ARHGEF33: variants seen among roughly 807,000 people sequenced by gnomAD.
ARHGEF33 encodes the protein DH and coiled-coil domain-containing protein ENSP00000381780.
A neutral mutation model predicts 101.9 loss-of-function variants in ARHGEF33; 72 were observed. The ratio of observed to expected loss-of-function variants is 0.71; its 90% CI spans 0.58 to 0.86. ARHGEF33 has a LOEUF of 0.86. Among genes scored for constraint, ARHGEF33 ranks in the 40% least tolerant of loss-of-function variants. The pLI is 0.00. For missense variants in ARHGEF33, 1,169 were observed against 1,111.3 expected, an observed-to-expected ratio of 1.05 and a Z score of -0.74; for synonymous variants, 499 against 442.5, an observed-to-expected ratio of 1.13 and a Z score of -1.60.
chr2:38,968,174 TAGG>T (rs1049823220), intron 17 of ARHGEF33, among the ~76,000 whole-genome samples: 2 of 152,052 alleles, frequency 1.3e-5, no homozygotes, highest in African/African-American at 4.8e-5. Flanking sequence ...AGGGCAGAAC[TAGG>T]AGCAGTGGCT....
At chr2:38,967,223 A>G (rs1023958530) in intron 17 of ARHGEF33, among the ~76,000 whole-genome samples, 3 of 152,116 alleles carry the variant, frequency 2.0e-5, no homozygotes, top group Non-Finnish European at 2.9e-5. Context: ...TGGTTTGTCT[A>G]ATTGTAATTA....
intron 2 of ARHGEF33, among the ~76,000 whole-genome samples, chr2:38,913,514 C>T (rs374174577): frequency 6.6e-6 from 1 of 152,190 alleles, no homozygotes. Flanking sequence ...GTGGCTCACG[C>T]CTGTAATCTC....
Position 38,958,013 on chromosome 2 carries a change from CTG to C in ARHGEF33, c.1371-19_1371-18del. On this transcript the variant is annotated intron_variant, in intron 14 of 17. Transcript: ENST00000409978. Reference sequence around the variant, plus strand: ...AGTTTGCCACTGTACAACCTGAGAACTGTTATTTCCATTCTGTTAGGTCATCC... The same window carrying C: ...AGTTTGCCACTGTACAACCTGAGAACTTATTTCCATTCTGTTAGGTCATCC... The C allele has an allele frequency of 6.4e-7, 1 of 1,552,092 alleles. No individual in the cohort carries two copies. Among genetic ancestry groups the C allele is most frequent in the Non-Finnish European group, 8.7e-7 (1 of 1,147,016 alleles).
intron 2 of ARHGEF33, among the ~76,000 whole-genome samples, chr2:38,901,746 T>C (rs1273017648): frequency 1.3e-5 from 2 of 152,346 alleles, no homozygotes; most frequent in Middle Eastern, 3.4e-3. Flanking sequence ...ATCAGCTATT[T>C]AAATCATGGA....
Position 38,974,410 on chromosome 2 carries a change from G to C in ARHGEF33, c.*567G>C, listed in dbSNP as rs1191771412. 1 of 152,204 alleles carries C rather than the reference G, an allele frequency of 6.6e-6. No individual in the cohort carries two copies. Among genetic ancestry groups the C allele is most frequent in the Non-Finnish European group, 1.5e-5 (1 of 68,030 alleles). The allele number at this position is 152,204 out of a possible 1,614,324, so 9.4% of individuals were successfully genotyped here. On this transcript the variant is annotated 3_prime_UTR_variant, in exon 18 of 18. Transcript: ENST00000409978. ...ATATGTTGCATATCTGAGTTATGGA[G>C]AATTTGTGCTTAAACCATGATTCAG... is the stretch of plus-strand genomic sequence containing the variant.
chr2:38,919,118 G>C (rs1335477533), intron 2 of ARHGEF33, among the ~76,000 whole-genome samples: 1 of 152,026 alleles, frequency 6.6e-6, no homozygotes, highest in East Asian at 1.9e-4. Flanking sequence ...TTAATTAATG[G>C]ATTTGATCCA....
rs1406294385 is a variant in ARHGEF33 at position 38,974,968 on chromosome 2, A to G, written c.*1125A>G. 2 of 152,118 alleles carry G rather than the reference A, an allele frequency of 1.3e-5. No homozygotes were observed. Among genetic ancestry groups the G allele is most frequent in the Non-Finnish European group, 1.5e-5 (1 of 67,950 alleles). 9.4% of individuals were successfully genotyped at this position (152,118 alleles called of 1,614,324 possible). A position where few individuals can be genotyped will look rare whatever the true frequency, so the allele number is the denominator to read the frequency against. On this transcript the variant is annotated 3_prime_UTR_variant, in exon 18 of 18. Transcript: ENST00000409978. ...ATGGTCAGCATCCTTGATATGCCCC[A>G]AACATCAGATTTATAATAGAAAAAA...
At chr2:38,966,168 A>G (rs1407833883) in intron 17 of ARHGEF33, 23 bp downstream of exon 17, 3 of 1,548,046 alleles carry the variant, frequency 1.9e-6, no homozygotes, top group Non-Finnish European at 2.6e-6. Flanking sequence ...TAGACAAGAC[A>G]GCATTGTAAC....
chr2:38,950,429 G>A (rs1367942979), intron 10 of ARHGEF33, among the ~76,000 whole-genome samples: 1 of 152,074 alleles, frequency 6.6e-6, no homozygotes, highest in African/African-American at 2.4e-5. Flanking sequence ...TTCAAGTGAT[G>A]TGCTCTTTAT....
At chr2:38,903,947 A>G (rs1243410037) in intron 2 of ARHGEF33, among the ~76,000 whole-genome samples, 2 of 152,244 alleles carry the variant, frequency 1.3e-5, no homozygotes, top group African/African-American at 4.8e-5. Context: ...GTCTTTGTCA[A>G]CAAACCTTTA....
intron 2 of ARHGEF33, 99 bp downstream of exon 2, chr2:38,895,948 A>C (rs547143629): frequency 3.3e-5 from 5 of 152,302 alleles, no homozygotes; most frequent in African/African-American, 9.6e-5. Flanking sequence ...AAGTATTATA[A>C]ATTTCTTTGT....
chr2:38,966,261 A>G, intron 17 of ARHGEF33, 116 bp downstream of exon 17: 3 of 1,336,012 alleles, frequency 2.2e-6, no homozygotes, highest in East Asian at 2.5e-5. Context: ...CTTCAAGTAC[A>G]GTGCCTGCAC....
chr2:38,951,897 G>C (rs543017032), intron 11 of ARHGEF33, among the ~76,000 whole-genome samples: 57 of 152,300 alleles, frequency 3.7e-4, no homozygotes, highest in African/African-American at 1.3e-3. Context: ...ATCCAAGCCA[G>C]AGGCTGCAAA....
At chr2:38,900,442 T>C (rs1209555568) in intron 2 of ARHGEF33, among the ~76,000 whole-genome samples, 2 of 152,126 alleles carry the variant, frequency 1.3e-5, no homozygotes, top group Non-Finnish European at 2.9e-5. Context: ...GGCATGAAAG[T>C]GTTTGGTGAA....
At chr2:38,920,789 T>C (rs1666739719) in intron 3 of ARHGEF33, among the ~76,000 whole-genome samples, 1 of 152,186 alleles carries the variant, frequency 6.6e-6, no homozygotes, top group Non-Finnish European at 1.5e-5. Flanking sequence ...ATTACTGTTT[T>C]CTTCTGCCTG....
At position 38,944,562 on chromosome 2, in the gene ARHGEF33, C is replaced by A. The variant is rs371653791; in HGVS notation, c.920+532C>A. 3.0e-4 allele frequency among the ~76,000 whole-genome samples: 45 copies of A among 152,246 alleles called. No homozygotes were observed. In the South Asian group the frequency reaches 8.9e-3, roughly 30 times the overall value. ...ACATTTAGATCATAGCAATAGGGAA[C>A]CCCTGGCAAGTCTTAAACTTAGATT... On this transcript the variant is annotated intron_variant, in intron 10 of 17. Transcript: ENST00000409978.
At chr2:38,919,673 A>T (rs1260793775) in intron 3 of ARHGEF33, among the ~76,000 whole-genome samples, 1 of 152,146 alleles carries the variant, frequency 6.6e-6, no homozygotes, top group Non-Finnish European at 1.5e-5. Flanking sequence ...TTGTTACTTT[A>T]TTTTTCTTAG....
chr2:38,920,471 G>C (rs1469759338), intron 3 of ARHGEF33, among the ~76,000 whole-genome samples: 12 of 127,748 alleles, frequency 9.4e-5, no homozygotes, highest in African/African-American at 3.3e-4. Flanking sequence ...GCAATGGCAC[G>C]ATCTCAACTC....
chr2:38,897,880 C>G (rs879856000), intron 2 of ARHGEF33, among the ~76,000 whole-genome samples: 2 of 152,034 alleles, frequency 1.3e-5, no homozygotes, highest in Admixed American at 1.3e-4. Context: ...AGGGAACAGC[C>G]CCAGAGGCTA....
Sources: allele counts gnomAD v4.1 joint callset (sites outside exome capture counted in the v4.1 genomes callset), GRCh38; gene constraint gnomAD v4.1.1; transcripts MANE v1.5; gene names NCBI Gene and HGNC (gene_info 2026-07-23, HGNC 2026-07-21).